The following PHKA2 variants were observed in gnomAD, a reference collection of about 807,000 sequenced individuals.
PHKA2 encodes phosphorylase kinase regulatory subunit alpha 2.
PHKA2 carries 31 observed loss-of-function variants against 102.0 expected under a neutral mutation model. That is an observed-to-expected ratio of 0.30 (90% CI 0.23 to 0.41). The LOEUF is 0.41. Among genes scored for constraint, PHKA2 ranks in the 10% least tolerant of loss-of-function variants. The pLI is 1.00. For synonymous variants in PHKA2, 455 were observed against 416.2 expected (o/e 1.09, Z -1.13); for missense variants, 858 against 1,023.1 (o/e 0.84, Z 2.20).
intron 26 of PHKA2, among the ~76,000 whole-genome samples, chrX:18,904,025 G>T (rs1285544346): frequency 8.9e-6 from 1 of 112,017 alleles, no homozygotes; most frequent in African/African-American, 3.2e-5. Flanking sequence ...TCACCTCCTC[G>T]GGCAGCATCC....
At chrX:18,894,173 G>T in intron 32 of PHKA2, 31 bp downstream of exon 32, 1 of 1,168,522 alleles carries the variant, frequency 8.6e-7, no homozygotes, top group Non-Finnish European at 1.2e-6. Flanking sequence ...AGAGATAAAT[G>T]CCAGCCAACC....
At chrX:18,918,406 A>G (rs1213716886) in intron 19 of PHKA2, among the ~76,000 whole-genome samples, 1 of 112,296 alleles carries the variant, frequency 8.9e-6, no homozygotes, top group East Asian at 2.8e-4. Context: ...GTGATTTAAG[A>G]CAGCCAGATC....
chrX:18,894,499 TGGGCTCG>T (rs748716091), intron 31 of PHKA2, 95 bp from the exon 32 acceptor site: 3 of 768,292 alleles, frequency 3.9e-6, no homozygotes, highest in Admixed American at 2.4e-5. Flanking sequence ...TAGCAGTGCC[TGGGCTCG>T]GGGCTCAGCG....
Position 18,906,807 on chromosome X carries a change from G to A in PHKA2, c.2605C>T (p.Pro869Ser), listed in dbSNP as rs1192881117. ...ATGAGTTTTGTGAGCTCCTCTGGGG[G>A]AAGGGGCCTAGAAAGGAGCATTGTG... ...PREKIISAPL[P>S]PEELTKLIYE... The change falls in exon 24 of 33, where the codon CCC becomes TCC. Residue 869 changes from proline to serine, a missense_variant. Coordinates refer to ENST00000379942, the MANE Select transcript of PHKA2 (RefSeq NM_000292.3). 1 of 1,206,639 alleles carries A rather than the reference G, an allele frequency of 8.3e-7. No homozygotes were observed. The highest frequency in any genetic ancestry group is 3.0e-5 in the East Asian group (1 of 33,753).
At position 18,966,081 on chromosome X, in the gene PHKA2, G is replaced by GTT. The variant is rs1178984805; in HGVS notation, c.79-11671_79-11670dup. ...CAACTCTCTTGGTGGTGGCTCTTTT[G>GTT]TTTTTTTTTTGTTTTTTTTTTTTTG... On this transcript the variant is annotated intron_variant, in intron 1 of 32. Coordinates refer to ENST00000379942, the MANE Select transcript of PHKA2 (RefSeq NM_000292.3). Among the ~76,000 whole-genome samples the GTT allele has an allele frequency of 1.7e-3, 145 of 85,047 alleles. 4 individuals are homozygous for GTT. The highest frequency in any genetic ancestry group is 6.3e-3 in the African/African-American group (128 of 20,196). 73.9% of individuals were successfully genotyped at this position (85,047 alleles called of 115,157 possible).
At chrX:18,952,087 AC>A (rs777803309) in intron 3 of PHKA2, among the ~76,000 whole-genome samples, 3 of 104,710 alleles carry the variant, frequency 2.9e-5, no homozygotes, top group Non-Finnish European at 5.8e-5. Context: ...AACTCCTCAC[AC>A]CTGTAATCCG....
rs148417165 is a variant in PHKA2, at chrX:18,928,807, T to C, written c.1324+421A>G. Among the ~76,000 whole-genome samples the C allele has an allele frequency of 6.5e-3, 733 of 112,381 alleles. 6 individuals are homozygous for C. The highest frequency in any genetic ancestry group is 0.022 in the African/African-American group (673 of 30,935). ...TCTCGCCCCTCTCCAGAAGAAGGGC[T>C]GGCTGGAGAGGAGGGAGAGGAAAGG... On this transcript the variant is annotated intron_variant, in intron 13 of 32. Transcript: ENST00000379942.
Position 18,926,270 on chromosome X carries a change from C to A in PHKA2, c.1459+183G>T, listed in dbSNP as rs142339331. ...GCTTGGCCACCTGTGACGGTGCCCA[C>A]TGAACGGGTGTGAGAACGTGCTGGT... On this transcript the variant is annotated intron_variant, in intron 14 of 32. Transcript: ENST00000379942. Among the ~76,000 whole-genome samples the A allele has an allele frequency of 4.2e-3, 474 of 112,800 alleles. 2 individuals carry two copies. The highest frequency in any genetic ancestry group is 0.015 in the African/African-American group (451 of 31,102).
chrX:18,900,007 G>A (rs781074982), intron 28 of PHKA2, among the ~76,000 whole-genome samples: 2 of 111,330 alleles, frequency 1.8e-5, no homozygotes, highest in South Asian at 7.7e-4. Context: ...CGGGATGCGG[G>A]GACAGAGGGA....
intron 1 of PHKA2, among the ~76,000 whole-genome samples, chrX:18,973,785 T>G (rs751267252): frequency 1.4e-4 from 16 of 112,542 alleles, no homozygotes; most frequent in Non-Finnish European, 2.8e-4. Flanking sequence ...GGTGCACCCA[T>G]GCAGCTAAAC....
intron 5 of PHKA2, 33 bp downstream of exon 5, chrX:18,948,711 A>C: frequency 1.1e-6 from 1 of 931,930 alleles, no homozygotes; most frequent in Non-Finnish European, 1.6e-6. Flanking sequence ...GTTGACTGGA[A>C]CATCTGAAAA....
In PHKA2 at chrX:18,919,934, C is replaced by G. The variant is rs770506233; in HGVS notation, c.1963+98G>C. 4.4e-5 allele frequency: 28 copies of G among 642,805 alleles called. No individual in the cohort carries two copies. In the South Asian group the frequency reaches 6.4e-4, roughly 15 times the overall value. The allele number at this position is 642,805 out of a possible 1,213,427, so 53.0% of individuals were successfully genotyped here. ...TTTGTTTTTCCTTGTTTTTAATTAT[C>G]AATCATTGTCTATATTTGAGTCTTA... is the stretch of plus-strand genomic sequence containing the variant. On this transcript the variant is annotated intron_variant, in intron 18 of 32. Coordinates refer to ENST00000379942, the MANE Select transcript of PHKA2 (RefSeq NM_000292.3).
At chrX:18,955,294 C>T (rs6633173) in intron 1 of PHKA2, among the ~76,000 whole-genome samples, 5 of 109,837 alleles carry the variant, frequency 4.6e-5, no homozygotes, top group East Asian at 5.7e-4. Flanking sequence ...GAAAAAGCAA[C>T]GCTATAGAGA....
chrX:18,898,657 A>G (rs1368526464), intron 29 of PHKA2, among the ~76,000 whole-genome samples: 1 of 112,502 alleles, frequency 8.9e-6, no homozygotes, highest in Non-Finnish European at 1.9e-5. Flanking sequence ...CTGCCACTTA[A>G]GGCAACAATT....
At chrX:18,931,795 G>A (rs1205193546) in intron 11 of PHKA2, 47 bp from the exon 12 acceptor site, 2 of 857,590 alleles carry the variant, frequency 2.3e-6, no homozygotes, top group Non-Finnish European at 3.5e-6. Context: ...AGGATAAAAT[G>A]GCCATGATAC....
chrX:18,951,400 G>A (rs2048684229), intron 3 of PHKA2, 128 bp from the exon 4 acceptor site: 4 of 673,111 alleles, frequency 5.9e-6, no homozygotes, highest in Non-Finnish European at 9.6e-6. Context: ...GGGATGGAAG[G>A]CAGCTGCTAG....
In PHKA2 at chrX:18,938,734, G is replaced by A. The variant is rs2048437092; in HGVS notation, c.934C>T (p.His312Tyr). ...KTPREDPNRL[H>Y]YDPAELKLFE... ...AGCTTGAGTTCAGCAGGGTCATAAT[G>A]CAGTCGATTAGGGTCCTAGAATCAA... is the stretch of plus-strand genomic sequence containing the variant. The change falls in exon 10 of 33, where the codon CAT becomes TAT. Residue 312 changes from histidine to tyrosine, a missense_variant. This residue lies in a region of PHKA2 where 187 missense variants were observed against 277.9 expected (regional missense o/e 0.67). Transcript: ENST00000379942. The A allele has an allele frequency of 8.3e-7, 1 of 1,205,985 alleles. No individual in the cohort carries two copies. The highest frequency in any genetic ancestry group is 1.1e-6 in the Non-Finnish European group (1 of 890,004).
Position 18,984,057 on chromosome X carries a change from C to G in PHKA2, c.-125G>C. 1.7e-6 allele frequency: 1 copy of G among 571,915 alleles called. No homozygotes were observed. The highest frequency in any genetic ancestry group is 3.0e-6 in the Non-Finnish European group (1 of 330,432). 47.1% of individuals were successfully genotyped at this position (571,915 alleles called of 1,213,427 possible). A position where few individuals can be genotyped will look rare whatever the true frequency, so the allele number is the denominator to read the frequency against. ...CCTTAGTCGGTTCTTGGGATGGGAC[C>G]GGGCCGGAGGAGGTCGAGACTTTTC... On this transcript the variant is annotated 5_prime_UTR_variant, in exon 1 of 33. Transcript: ENST00000379942.
intron 13 of PHKA2, among the ~76,000 whole-genome samples, 160 bp downstream of exon 13, chrX:18,929,068 A>T (rs767484829): frequency 1.1e-4 from 12 of 112,897 alleles, no homozygotes; most frequent in Non-Finnish European, 1.7e-4. Context: ...TGCCTTTGGA[A>T]GCCACTGAGT....
Sources: gnomAD v4.1 joint callset for allele counts (sites outside exome capture counted in the v4.1 genomes callset) on GRCh38, gnomAD v4.1.1 for gene constraint, gnomAD v4.1.1 regional missense constraint, MANE v1.5 for transcripts, NCBI Gene and HGNC (gene_info 2026-07-23, HGNC 2026-07-21) for gene names.